ENPEP: variants seen among roughly 807,000 people sequenced by gnomAD.
ENPEP encodes the protein glutamyl aminopeptidase, also known as AP-A.
Under a neutral mutation model 114.5 loss-of-function variants are expected in ENPEP, and 103 were observed. The ratio of observed to expected loss-of-function variants is 0.90; its 90% CI spans 0.77 to 1.06. The LOEUF (loss-of-function observed/expected upper bound fraction) is 1.06. Ranked by LOEUF, ENPEP falls within the 50% of genes least tolerant of loss-of-function variation. The pLI is 0.00. For missense variants in ENPEP, 1,196 were observed against 1,161.3 expected (o/e 1.03, Z -0.43); for synonymous variants, 420 against 422.0 (o/e 1.00, Z 0.06).
At chr4:110,482,407 T>C (rs1240076857) in intron 1 of ENPEP, among the ~76,000 whole-genome samples, 3 of 152,140 alleles carry the variant, frequency 2.0e-5, no homozygotes, top group Non-Finnish European at 4.4e-5. Context: ...GGTCGTAAGT[T>C]CAGTGTCAGA....
intron 2 of ENPEP, among the ~76,000 whole-genome samples, chr4:110,489,746 T>C (rs1435684520): frequency 6.6e-6 from 1 of 152,194 alleles, no homozygotes; most frequent in Non-Finnish European, 1.5e-5. Context: ...TTACATACTT[T>C]ACACATTCGA....
At position 110,491,199 on chromosome 4, in the gene ENPEP, A is replaced by G. The variant is rs773365624; in HGVS notation, c.918+35A>G. 21 of 1,511,480 alleles carry G rather than the reference A, an allele frequency of 1.4e-5. 1 individual carries two copies. Among genetic ancestry groups the G allele is most frequent in the Admixed American group, 1.2e-4 (5 of 43,174 alleles). 93.6% of individuals were successfully genotyped at this position (1,511,480 alleles called of 1,614,324 possible). On this transcript the variant is annotated intron_variant, in intron 3 of 19. Transcript: ENST00000265162. Reference sequence around the variant, plus strand: ...ATTATATTTTAAAAATTTACCACCTATGCATTTGTAATTAATTATCTACCT... The same window carrying G: ...ATTATATTTTAAAAATTTACCACCTGTGCATTTGTAATTAATTATCTACCT...
chr4:110,493,150 GTAATA>G (rs1261488980), intron 3 of ENPEP, among the ~76,000 whole-genome samples: 12 of 152,152 alleles, frequency 7.9e-5, no homozygotes, highest in Non-Finnish European at 1.0e-4. Context: ...ACATTTACTT[GTAATA>G]TTATACTAAC....
At chr4:110,477,202 G>A in intron 1 of ENPEP, 144 bp downstream of exon 1, 1 of 1,194,976 alleles carries the variant, frequency 8.4e-7, no homozygotes, top group Non-Finnish European at 1.1e-6. Context: ...CTGTCCATCT[G>A]GGAAGCCAAA....
intron 17 of ENPEP, among the ~76,000 whole-genome samples, chr4:110,550,239 G>T (rs931999659): frequency 1.1e-4 from 17 of 152,168 alleles, no homozygotes; most frequent in African/African-American, 4.1e-4. Context: ...GTGTAATGGA[G>T]GTAGGACAGG....
rs768857421 is a variant in ENPEP, at chr4:110,548,293, T to G, written c.2118T>G (p.Phe706Leu). 6.2e-7 allele frequency: 1 copy of G among 1,603,992 alleles called. No homozygotes were observed. The highest frequency in any genetic ancestry group is 8.5e-7 in the Non-Finnish European group (1 of 1,175,520). ...ISAVTYIISM[F>L]EDDKELYPMI... ...CTGTAACCTACATCATTAGCATGTT[T>G]GAAGATGATAAAGAGCTATATCCTA... The change falls in exon 14 of 20, where the codon TTT becomes TTG. Residue 706 changes from phenylalanine (F) to leucine (L), a missense_variant. Transcript: ENST00000265162.
rs142728357 is a variant in ENPEP, at chr4:110,543,034, G to T, written c.1964G>T (p.Arg655Leu). Residue 655 changes from arginine to leucine, a missense_variant, in exon 13 of 20, where the codon CGT becomes CTT. Physicochemically the swap from Arg to Leu is moderately radical, Grantham distance 102. Transcript: ENST00000265162. ...TCCCAGACATTTTCTTCAGCAGATC[G>T]TGCAAGTCTTATTGATGATGCTTTT... is the stretch of plus-strand genomic sequence containing the variant. The part of the protein sequence containing the change: ...LNHKTFSSAD[R>L]ASLIDDAFAL... 1 of 1,612,988 alleles carries T rather than the reference G, an allele frequency of 6.2e-7. No homozygotes were observed. Among genetic ancestry groups the T allele is most frequent in the Non-Finnish European group, 8.5e-7 (1 of 1,179,290 alleles).
rs1372076784 is a variant in ENPEP at position 110,562,892 on chromosome 4, A to T, written c.*1334A>T. Reference sequence around the variant, plus strand: ...GAGAATTGAAGCATATGGAAACAAAACCTTAGCTTTAACTTTATTTATACA... The same window carrying T: ...GAGAATTGAAGCATATGGAAACAAATCCTTAGCTTTAACTTTATTTATACA... On this transcript the variant is annotated 3_prime_UTR_variant, in exon 20 of 20. Coordinates refer to ENST00000265162, the MANE Select transcript of ENPEP (RefSeq NM_001977.4). The T allele has an allele frequency of 2.0e-5, 3 of 152,140 alleles. No homozygotes were observed. Among genetic ancestry groups the T allele is most frequent in the Admixed American group, 2.0e-4 (3 of 15,266 alleles). 9.4% of individuals were successfully genotyped at this position (152,140 alleles called of 1,614,324 possible).
Position 110,561,593 on chromosome 4 carries a change from T to C in ENPEP, c.*35T>C. 2.5e-6 allele frequency: 4 copies of C among 1,594,186 alleles called. No individual in the cohort carries two copies. Among genetic ancestry groups the C allele is most frequent in the Non-Finnish European group, 3.4e-6 (4 of 1,170,412 alleles). ...ATGTTAGAGTTTAATTTTGTGAATC[T>C]ATTGTTTCTCCTCTGAAGCATTTGG... On this transcript the variant is annotated 3_prime_UTR_variant, in exon 20 of 20. Coordinates refer to ENST00000265162, the MANE Select transcript of ENPEP (RefSeq NM_001977.4).
At chr4:110,524,566 T>C (rs955682475) in intron 10 of ENPEP, among the ~76,000 whole-genome samples, 2 of 152,170 alleles carry the variant, frequency 1.3e-5, no homozygotes, top group African/African-American at 2.4e-5. Flanking sequence ...TTCTATATAT[T>C]TTATGAATCC....
At chr4:110,552,172 TC>T (rs1319776960) in intron 17 of ENPEP, among the ~76,000 whole-genome samples, 4 of 152,142 alleles carry the variant, frequency 2.6e-5, no homozygotes, top group Non-Finnish European at 4.4e-5. Context: ...TACCTTAAAC[TC>T]AGTCATATAT....
chr4:110,523,892 T>A (rs1448266317), intron 10 of ENPEP, among the ~76,000 whole-genome samples: 2 of 152,140 alleles, frequency 1.3e-5, no homozygotes, highest in African/African-American at 4.8e-5. Flanking sequence ...TACGTGGAAA[T>A]GAGCAAATAC....
intron 10 of ENPEP, among the ~76,000 whole-genome samples, chr4:110,527,771 A>G (rs1726252243): frequency 6.6e-6 from 1 of 152,220 alleles, no homozygotes; most frequent in Non-Finnish European, 1.5e-5. Context: ...CTCTTGAGAA[A>G]TAAACTTACA....
chr4:110,488,605 C>T lies in ENPEP; in HGVS notation c.709C>T (p.Pro237Ser). The T allele has an allele frequency of 6.2e-7, 1 of 1,613,842 alleles. No homozygotes were observed. Among genetic ancestry groups the T allele is most frequent in the Non-Finnish European group, 8.5e-7 (1 of 1,179,916 alleles). The change falls in exon 2 of 20, where the codon CCC becomes TCC. Residue 237 changes from proline (P) to serine (S), a missense_variant. Physicochemically the swap from Pro to Ser is moderately conservative, Grantham distance 74. Transcript: ENST00000265162. ...GAAATCTTTTCCTTGTTTTGATGAG[C>T]CCAACAAAAAGGCAACTTATACAAT... ...ARKSFPCFDEPNKKATYTISI... is the reference protein window; with the variant it reads ...ARKSFPCFDESNKKATYTISI...
intron 17 of ENPEP, among the ~76,000 whole-genome samples, chr4:110,552,624 T>TGTGCTGA (rs1335540009): frequency 6.6e-6 from 1 of 152,140 alleles, no homozygotes; most frequent in Non-Finnish European, 1.5e-5. Flanking sequence ...GGTTCCCTTG[T>TGTGCTGA]CACAGTGAAC....
At chr4:110,500,489 G>A (rs943706060) in intron 3 of ENPEP, among the ~76,000 whole-genome samples, 1 of 152,084 alleles carries the variant, frequency 6.6e-6, no homozygotes, top group Non-Finnish European at 1.5e-5. Flanking sequence ...TCTTCAAAAA[G>A]TAAATATATG....
chr4:110,498,950 T>C (rs1229575555), intron 3 of ENPEP, among the ~76,000 whole-genome samples: 1 of 152,236 alleles, frequency 6.6e-6, no homozygotes, highest in African/African-American at 2.4e-5. Context: ...CCCTGTGGTT[T>C]GCTTTTTTCC....
At chr4:110,508,146 T>C (rs1725437041) in intron 4 of ENPEP, among the ~76,000 whole-genome samples, 4 of 152,080 alleles carry the variant, frequency 2.6e-5, no homozygotes, top group Admixed American at 2.0e-4. Context: ...TTCTGTTTTA[T>C]GTGCATTTTC....
intron 5 of ENPEP, 150 bp downstream of exon 5, chr4:110,509,957 G>T (rs1240370837): frequency 8.6e-6 from 10 of 1,168,394 alleles, no homozygotes; most frequent in Non-Finnish European, 1.1e-5. Flanking sequence ...TAAACATTTA[G>T]CCATAAAGAG....
Sources: allele counts gnomAD v4.1 joint callset (sites outside exome capture counted in the v4.1 genomes callset), GRCh38; gene constraint gnomAD v4.1.1; transcripts MANE v1.5; gene names NCBI Gene and HGNC (gene_info 2026-07-23, HGNC 2026-07-21).